Variants in CLIC5 observed in about 807,000 individuals in gnomAD.
CLIC5 encodes the protein CLIC family member 5.
A neutral mutation model predicts 24.7 loss-of-function variants in CLIC5; 20 were observed. The ratio of observed to expected loss-of-function variants is 0.81; its 90% CI spans 0.57 to 1.18. The LOEUF is 1.18. CLIC5 is among the 50% of genes most tolerant of loss of function. CLIC5 has a pLI of 0.00. For missense variants in CLIC5, 341 were observed against 326.1 expected (o/e 1.05, Z -0.35); for synonymous variants, 159 against 135.6 (o/e 1.17, Z -1.20).
intron 1 of CLIC5, among the ~76,000 whole-genome samples, chr6:46,055,088 G>A (rs560662558): frequency 2.0e-5 from 3 of 152,076 alleles, no homozygotes; most frequent in Non-Finnish European, 2.9e-5. Context: ...AACATTGTCA[G>A]TTCTTTTCTT....
intron 1 of CLIC5, among the ~76,000 whole-genome samples, chr6:45,983,571 C>T (rs1765634818): frequency 6.6e-6 from 1 of 152,166 alleles, no homozygotes. Context: ...CTTGGGATCT[C>T]TGAGAAGACA....
chr6:45,997,054 C>T (rs1028405193), intron 1 of CLIC5, among the ~76,000 whole-genome samples: 1 of 152,060 alleles, frequency 6.6e-6, no homozygotes, highest in African/African-American at 2.4e-5. Flanking sequence ...CACATGCACA[C>T]ATATGTTTAT....
chr6:45,956,075 T>G (rs1299411946), intron 1 of CLIC5, among the ~76,000 whole-genome samples: 3 of 152,202 alleles, frequency 2.0e-5, no homozygotes, highest in Admixed American at 1.3e-4. Context: ...GTTCTGTGCT[T>G]CTGTCATTTC....
intron 1 of CLIC5, among the ~76,000 whole-genome samples, chr6:46,051,994 T>C (rs899235700): frequency 7.2e-5 from 11 of 152,152 alleles, no homozygotes; most frequent in Non-Finnish European, 1.2e-4. Flanking sequence ...CAGCCTCCTT[T>C]TGCACCTGCA....
At chr6:46,116,796 G>A in the CLIC5 span, among the ~76,000 whole-genome samples, 1 of 152,196 alleles carries the variant, frequency 6.6e-6, no homozygotes, top group Non-Finnish European at 1.5e-5. Context: ...CAGATGTGTG[G>A]TGAAGTCAGC....
chr6:46,016,001 A>C, upstream of CLIC5: 3 of 650,476 alleles, frequency 4.6e-6, no homozygotes, highest in Non-Finnish European at 5.7e-6. Context: ...GCAGGGCAGG[A>C]GGCGGAGACA....
At chr6:45,948,985 G>A (rs1479289453) in intron 3 of CLIC5, among the ~76,000 whole-genome samples, 2 of 152,098 alleles carry the variant, frequency 1.3e-5, no homozygotes, top group Admixed American at 1.3e-4. Context: ...GGGAGGCCTG[G>A]TATCCTAGGG....
intron 5 of CLIC5, among the ~76,000 whole-genome samples, chr6:45,907,993 C>T (rs10223584): frequency 0.012 from 1,872 of 152,142 alleles, 37 homozygotes; most frequent in African/African-American, 0.043. Flanking sequence ...GTTTTCAAGG[C>T]AATTGAAAAG....
intron 1 of CLIC5, among the ~76,000 whole-genome samples, chr6:45,980,357 C>T (rs1301305995): frequency 6.6e-6 from 1 of 152,018 alleles, no homozygotes; most frequent in Non-Finnish European, 1.5e-5. Flanking sequence ...GGGAACTAAA[C>T]ATTGAATACA....
the CLIC5 span, among the ~76,000 whole-genome samples, chr6:46,107,928 G>A: frequency 2.6e-5 from 4 of 151,694 alleles, no homozygotes; most frequent in African/African-American, 7.3e-5. Flanking sequence ...CTAGCCACTC[G>A]GAGGCTGAGG....
At chr6:46,086,043 C>T in the CLIC5 span, among the ~76,000 whole-genome samples, 24 of 152,314 alleles carry the variant, frequency 1.6e-4, no homozygotes, top group Non-Finnish European at 2.4e-4. Flanking sequence ...TAGGACCCTC[C>T]GAGCCATGTG....
At chr6:45,933,446 G>C (rs763443136) in intron 4 of CLIC5, among the ~76,000 whole-genome samples, 5 of 152,202 alleles carry the variant, frequency 3.3e-5, no homozygotes, top group Non-Finnish European at 7.3e-5. Flanking sequence ...CTGATTTTCA[G>C]TTTGGAAAAC....
At chr6:46,035,505 T>C (rs1472915232) in intron 1 of CLIC5, among the ~76,000 whole-genome samples, 1 of 152,158 alleles carries the variant, frequency 6.6e-6, no homozygotes, top group Admixed American at 6.5e-5. Context: ...TACTGTTGTG[T>C]TGGTTTGTTT....
intron 1 of CLIC5, among the ~76,000 whole-genome samples, chr6:46,050,344 T>C (rs372784746): frequency 7.2e-6 from 1 of 139,754 alleles, no homozygotes; most frequent in Non-Finnish European, 1.7e-5. Flanking sequence ...TTTTCTAACA[T>C]AAATAAAAAG....
the CLIC5 span, among the ~76,000 whole-genome samples, chr6:46,099,121 TAATA>T: frequency 6.6e-6 from 1 of 152,196 alleles, no homozygotes; most frequent in African/African-American, 2.4e-5. Context: ...GTCAGGCCAG[TAATA>T]ATCAACACAC....
chr6:46,085,250 G>A (rs1163221841), upstream of CLIC5, among the ~76,000 whole-genome samples: 30 of 151,730 alleles, frequency 2.0e-4, no homozygotes, highest in Admixed American at 1.1e-3. Context: ...TAGTTTGATC[G>A]TCTGAAGCCT....
In CLIC5 at chr6:46,015,523, G is replaced by T. The variant is rs1476399035; in HGVS notation, c.20C>A (p.Ala7Asp). 32 of 1,578,648 alleles carry T rather than the reference G, an allele frequency of 2.0e-5. No homozygotes were observed. Among genetic ancestry groups the T allele is most frequent in the Non-Finnish European group, 2.7e-5 (31 of 1,164,106 alleles). The change falls in exon 1 of 6, where the codon GCT becomes GAT. Residue 7 changes from alanine to aspartate, a missense_variant. By Grantham distance (126) the Ala-to-Asp change is moderately radical. Coordinates refer to ENST00000339561, the MANE Select transcript of CLIC5 (RefSeq NM_016929.5). ...CTCGGGGTCCCTGTCGTCCCCGTTA[G>T]CTGTCGCCGAGTCTGTCATGCCGTT... MTDSAT[A>D]NGDDRDPEIE...
chr6:45,967,527 C>T (rs1422775748), intron 1 of CLIC5, among the ~76,000 whole-genome samples: 1 of 152,144 alleles, frequency 6.6e-6, no homozygotes, highest in Non-Finnish European at 1.5e-5. Context: ...GTAAGGCCAT[C>T]CAGGCAGAAG....
At chr6:45,941,676 C>A in intron 3 of CLIC5, 23 bp from the exon 4 acceptor site, 5 of 1,563,214 alleles carry the variant, frequency 3.2e-6, no homozygotes, top group Non-Finnish European at 4.4e-6. Flanking sequence ...ATGCAGTGTT[C>A]TGTGAATCAG....
Sources: allele counts gnomAD v4.1 joint callset (sites outside exome capture counted in the v4.1 genomes callset), GRCh38; gene constraint gnomAD v4.1.1; transcripts MANE v1.5; gene names NCBI Gene and HGNC (gene_info 2026-07-23, HGNC 2026-07-21).